Variants in ATP13A5 observed in about 807,000 individuals in gnomAD.
ATP13A5 encodes the protein ATPase 13A5, also known as probable cation-transporting ATPase 13A5.
ATP13A5 carries 149 observed loss-of-function variants against 150.2 expected under a neutral mutation model. The ratio of observed to expected loss-of-function variants is 0.99; its 90% confidence interval spans 0.87 to 1.14. ATP13A5 has a LOEUF of 1.14. ATP13A5 is among the 50% of genes most tolerant of loss of function. The pLI is 0.00. For missense variants in ATP13A5, 1,383 were observed against 1,449.3 expected (o/e 0.95, Z 0.74); for synonymous variants, 497 against 522.2 (o/e 0.95, Z 0.66).
chr3:193,325,881 A>G (rs1279195811), intron 13 of ATP13A5, among the ~76,000 whole-genome samples: 1 of 152,188 alleles, frequency 6.6e-6, no homozygotes, highest in Non-Finnish European at 1.5e-5. Flanking sequence ...CAAGGGAGGA[A>G]GATGGAGGGG....
At chr3:193,363,113 TC>T (rs1713101170) in intron 3 of ATP13A5, 122 bp downstream of exon 3, 3 of 1,231,644 alleles carry the variant, frequency 2.4e-6, no homozygotes, top group Non-Finnish European at 3.4e-6. Context: ...AGTCTCACTT[TC>T]TTTGATACAT....
chr3:193,328,851 C>T (rs1711515694), intron 12 of ATP13A5, among the ~76,000 whole-genome samples: 1 of 152,190 alleles, frequency 6.6e-6, no homozygotes, highest in Admixed American at 6.5e-5. Flanking sequence ...CAATTAATGG[C>T]AGAGTGCTTT....
intron 8 of ATP13A5, 78 bp from the exon 9 acceptor site, chr3:193,344,133 T>C (rs1712234534): frequency 1.3e-6 from 2 of 1,539,100 alleles, no homozygotes; most frequent in Non-Finnish European, 1.8e-6. Context: ...TAAGAATCCT[T>C]ATCAACCTGT....
chr3:193,340,617 G>C (rs1439141322), intron 9 of ATP13A5, among the ~76,000 whole-genome samples: 1 of 152,088 alleles, frequency 6.6e-6, no homozygotes. Context: ...AAGAGGGAAG[G>C]GGATTGCGGC....
chr3:193,278,206 A>T (rs1186854856), intron 28 of ATP13A5, among the ~76,000 whole-genome samples: 2 of 151,908 alleles, frequency 1.3e-5, no homozygotes, highest in Non-Finnish European at 2.9e-5. Context: ...TACCAAACTC[A>T]CTCTGGAGCT....
chr3:193,354,344 A>G (rs550929140), intron 5 of ATP13A5, 148 bp from the exon 6 acceptor site: 1 of 653,558 alleles, frequency 1.5e-6, no homozygotes, highest in South Asian at 2.3e-5. Flanking sequence ...TTGAAACGTA[A>G]TTCTAAACTA....
Position 193,295,472 on chromosome 3 carries a change from T to C in ATP13A5, c.2848+3659A>G, listed in dbSNP as rs6804373. ...CTCTGGACTCCCAAAGCATCTGCTG[T>C]TTTCTGCTACTCACTACTTTCAACT... On this transcript the variant is annotated intron_variant, in intron 25 of 29. Coordinates refer to ENST00000342358, the MANE Select transcript of ATP13A5 (RefSeq NM_198505.4). Among the ~76,000 whole-genome samples, 1,194 of 152,124 alleles carry C rather than the reference T, an allele frequency of 7.8e-3. 17 individuals are homozygous for C. Among genetic ancestry groups the C allele is most frequent in the African/African-American group, 0.028 (1,143 of 41,508 alleles).
In ATP13A5 at chr3:193,366,643, T is replaced by TG. The variant is rs374900897; in HGVS notation, c.64-2364dup. Among the ~76,000 whole-genome samples the TG allele has an allele frequency of 1.4e-3, 211 of 152,166 alleles. 1 individual carries two copies. The highest frequency in any genetic ancestry group is 4.9e-3 in the African/African-American group (205 of 41,576). ...TAGAATTTAAATCTACTCTCATCAT[T>TG]GGAGATTTTAGCACATCCCCCCTCT... On this transcript the variant is annotated intron_variant, in intron 1 of 29. Transcript: ENST00000342358.
At chr3:193,307,547 A>G (rs1042007700) in intron 21 of ATP13A5, 178 bp from the exon 22 acceptor site, 7 of 712,698 alleles carry the variant, frequency 9.8e-6, no homozygotes. Context: ...GGGAAAAGGC[A>G]GTTGCGTTAT....
intron 23 of ATP13A5, 32 bp downstream of exon 23, chr3:193,305,527 T>C (rs202124981): frequency 1.9e-6 from 3 of 1,541,800 alleles, no homozygotes; most frequent in East Asian, 4.5e-5. Flanking sequence ...GGCCCATTGA[T>C]TGTAGGGCTG....
At chr3:193,280,440 T>C (rs140956202) in intron 27 of ATP13A5, among the ~76,000 whole-genome samples, 5 of 152,362 alleles carry the variant, frequency 3.3e-5, no homozygotes, top group Middle Eastern at 3.4e-3. Flanking sequence ...GTATGTATCA[T>C]ATTCTGCTTT....
intron 25 of ATP13A5, among the ~76,000 whole-genome samples, chr3:193,297,187 C>T (rs1014142323): frequency 2.6e-5 from 4 of 151,870 alleles, no homozygotes; most frequent in Non-Finnish European, 4.4e-5. Context: ...CTCTTCTTCC[C>T]CAGAAACAGG....
Position 193,311,939 on chromosome 3 carries a change from T to A in ATP13A5, c.2322A>T (p.Glu774Asp). Residue 774 changes from glutamate to aspartate, a missense_variant and splice_region_variant, in exon 20 of 30, where the codon GAA becomes GAT. By Grantham distance (45) the Glu-to-Asp change is conservative (BLOSUM62 2). Around this residue, in one of 3 missense-constraint regions of ATP13A5, gnomAD observed 568 missense variants for 621.5 expected, o/e 0.91. Coordinates refer to ENST00000342358, the MANE Select transcript of ATP13A5 (RefSeq NM_198505.4). ...AACTGTTTCCAGTATGCATGTAGAT[T>A]TCCTAAAATCAAAAGGGCATCATTT... is the stretch of plus-strand genomic sequence containing the variant. ...ENQETGPGKKEIYMHTGNSST... is the reference protein window; with the variant it reads ...ENQETGPGKKDIYMHTGNSST... The A allele has an allele frequency of 1.2e-6, 2 of 1,613,598 alleles. No individual in the cohort carries two copies. The highest frequency in any genetic ancestry group is 1.7e-6 in the Non-Finnish European group (2 of 1,179,710).
rs772535491 is a variant in ATP13A5, at chr3:193,333,765, T to C, written c.1257A>G (p.Val419=). 1 of 1,613,704 alleles carries C rather than the reference T, an allele frequency of 6.2e-7. No homozygotes were observed. The highest frequency in any genetic ancestry group is 8.5e-7 in the Non-Finnish European group (1 of 1,179,742). The change falls in exon 11 of 30, where the codon GTA becomes GTG. Residue 419 remains valine, a synonymous_variant. Coordinates refer to ENST00000342358, the MANE Select transcript of ATP13A5 (RefSeq NM_198505.4). ...CAGTACTTACTCCATGGTACATATA[T>C]ACCCCTAGGGCATAGAAAAAACCCA... ...GVMGFFYALG[V]YMYHGVPPKD...
At chr3:193,294,902 G>T (rs1577330557) in intron 25 of ATP13A5, among the ~76,000 whole-genome samples, 1 of 152,138 alleles carries the variant, frequency 6.6e-6, no homozygotes, top group East Asian at 1.9e-4. Context: ...AATGTAAAGT[G>T]TCTGTTGTTT....
intron 5 of ATP13A5, among the ~76,000 whole-genome samples, chr3:193,360,819 G>C (rs1411483427): frequency 6.6e-6 from 1 of 152,094 alleles, no homozygotes; most frequent in Non-Finnish European, 1.5e-5. Context: ...TGGGACTACA[G>C]GTACAGGCCA....
At chr3:193,303,990 CT>C (rs527454558) in intron 23 of ATP13A5, among the ~76,000 whole-genome samples, 108 of 152,024 alleles carry the variant, frequency 7.1e-4, no homozygotes, top group African/African-American at 2.5e-3. Flanking sequence ...TCCAAGCACA[CT>C]TGTAAAGAGC....
intron 7 of ATP13A5, among the ~76,000 whole-genome samples, chr3:193,348,038 C>T (rs1002629154): frequency 6.6e-6 from 1 of 152,106 alleles, no homozygotes; most frequent in South Asian, 2.1e-4. Flanking sequence ...TTTATTAGAA[C>T]CAAATTATTC....
At chr3:193,282,970 T>C (rs1231370784) in intron 27 of ATP13A5, among the ~76,000 whole-genome samples, 1 of 152,164 alleles carries the variant, frequency 6.6e-6, no homozygotes, top group African/African-American at 2.4e-5. Flanking sequence ...TTGCCACTTA[T>C]TAAATAAAAC....
Sources: allele counts gnomAD v4.1 joint callset (sites outside exome capture counted in the v4.1 genomes callset), GRCh38; gene constraint gnomAD v4.1.1; regional missense constraint gnomAD v4.1.1; transcripts MANE v1.5; gene names NCBI Gene and HGNC (gene_info 2026-07-23, HGNC 2026-07-21).